Variants in PTPRK observed in about 807,000 individuals in gnomAD.
PTPRK encodes the protein protein tyrosine phosphatase receptor type K, also known as receptor-type tyrosine-protein phosphatase kappa.
In PTPRK, 75 loss-of-function variants were observed where a neutral mutation model predicts 178.0. The observed-to-expected ratio is 0.42, with a 90% CI of 0.35 to 0.51. PTPRK has a LOEUF of 0.51. Among genes scored for constraint, PTPRK ranks in the 20% least tolerant of loss-of-function variants. The pLI is 0.02. For missense variants in PTPRK, 1,441 were observed against 1,797.8 expected, an observed-to-expected ratio of 0.80 and a Z score of 3.59; for synonymous variants, 637 against 620.6, an observed-to-expected ratio of 1.03 and a Z score of -0.39.
At chr6:128,091,445 C>G (rs551234692) in intron 7 of PTPRK, among the ~76,000 whole-genome samples, 2 of 152,138 alleles carry the variant, frequency 1.3e-5, no homozygotes, top group African/African-American at 4.8e-5. Context: ...CTATGACTGC[C>G]CACCAGCTAA....
rs573174175 is a variant in PTPRK, at chr6:128,126,139, G to T, written c.1163-36147C>A. ...TAGGTATACATGTACCATGGTGGTT[G>T]GCTGCACCTATCAACCCGTCATCTA... On this transcript the variant is annotated intron_variant, in intron 7 of 29. Transcript: ENST00000368226. Among the ~76,000 whole-genome samples, 13 of 151,580 alleles carry T rather than the reference G, an allele frequency of 8.6e-5. No homozygotes were observed. In the South Asian group the frequency reaches 2.5e-3, roughly 29 times the overall value.
intron 7 of PTPRK, among the ~76,000 whole-genome samples, chr6:128,127,458 A>G (rs1793562395): frequency 6.6e-6 from 1 of 152,084 alleles, no homozygotes; most frequent in Non-Finnish European, 1.5e-5. Context: ...TTGTGTTTTT[A>G]TTTCTTTCAT....
At chr6:128,386,442 C>A (rs562571658) in intron 2 of PTPRK, among the ~76,000 whole-genome samples, 1 of 152,054 alleles carries the variant, frequency 6.6e-6, no homozygotes, top group Non-Finnish European at 1.5e-5. Context: ...AATAGTTAAT[C>A]CCTGGCAAGC....
At chr6:128,454,638 G>C (rs564841738) in intron 1 of PTPRK, among the ~76,000 whole-genome samples, 25 of 152,208 alleles carry the variant, frequency 1.6e-4, no homozygotes, top group African/African-American at 5.8e-4. Flanking sequence ...CCTGTCAGGA[G>C]TCACTAATTA....
chr6:128,047,134 G>A (rs561919323), intron 13 of PTPRK, among the ~76,000 whole-genome samples: 1 of 152,156 alleles, frequency 6.6e-6, no homozygotes, highest in African/African-American at 2.4e-5. Context: ...ATCAGTGCTG[G>A]TATGTCTTAT....
chr6:128,268,624 C>A (rs1188347141), intron 3 of PTPRK, among the ~76,000 whole-genome samples: 1 of 151,908 alleles, frequency 6.6e-6, no homozygotes, highest in African/African-American at 2.4e-5. Flanking sequence ...AATCATTGTG[C>A]CCCAGTGAAC....
At chr6:128,486,471 C>T (rs747440501) in intron 1 of PTPRK, among the ~76,000 whole-genome samples, 27 of 152,112 alleles carry the variant, frequency 1.8e-4, no homozygotes, top group East Asian at 1.2e-3. Flanking sequence ...AGGCAGAAAA[C>T]ACAATTATAT....
intron 2 of PTPRK, among the ~76,000 whole-genome samples, chr6:128,380,698 T>G (rs1245169701): frequency 6.6e-6 from 1 of 152,058 alleles, no homozygotes; most frequent in East Asian, 1.9e-4. Flanking sequence ...TCATAGTATG[T>G]AAAAGGGACC....
intron 28 of PTPRK, among the ~76,000 whole-genome samples, chr6:127,973,440 T>C (rs890494020): frequency 6.6e-6 from 1 of 152,106 alleles, no homozygotes; most frequent in African/African-American, 2.4e-5. Flanking sequence ...TTGTTACGAG[T>C]AGTGTTCCAA....
chr6:128,476,539 T>G (rs1225999600), intron 1 of PTPRK, among the ~76,000 whole-genome samples: 1 of 152,002 alleles, frequency 6.6e-6, no homozygotes, highest in Non-Finnish European at 1.5e-5. Context: ...CAGCTAAACA[T>G]GAATCTTTAG....
At chr6:128,213,800 C>A (rs886066605) in intron 6 of PTPRK, among the ~76,000 whole-genome samples, 2 of 151,830 alleles carry the variant, frequency 1.3e-5, no homozygotes, top group African/African-American at 4.8e-5. Context: ...ATTAGAGTAC[C>A]GGAATAGAAT....
chr6:128,346,474 T>C lies in PTPRK; in HGVS notation c.224-24164A>G, dbSNP rs541983536. Among the ~76,000 whole-genome samples, 112 of 152,232 alleles carry C rather than the reference T, an allele frequency of 7.4e-4. No individual in the cohort carries two copies. In the Middle Eastern group the frequency reaches 0.01, roughly 14 times the overall value. On this transcript the variant is annotated intron_variant, in intron 2 of 29. Coordinates refer to ENST00000368226, the MANE Select transcript of PTPRK (RefSeq NM_002844.4). ...CTATAGTATGATAAAACTTTACTAA[T>C]AGTCTGATATAAAGTCCCAATCTAA...
At chr6:128,010,990 A>C (rs985620714) in intron 13 of PTPRK, among the ~76,000 whole-genome samples, 1 of 151,238 alleles carries the variant, frequency 6.6e-6, no homozygotes, top group Non-Finnish European at 1.5e-5. Context: ...ACATGTAGTA[A>C]ATATGTTAGA....
chr6:128,004,053 C>G (rs1040120257), intron 15 of PTPRK, among the ~76,000 whole-genome samples: 1 of 151,812 alleles, frequency 6.6e-6, no homozygotes, highest in African/African-American at 2.4e-5. Flanking sequence ...AGCATACAAC[C>G]TACAAATACT....
chr6:128,019,293 A>G (rs1029774080), intron 13 of PTPRK, among the ~76,000 whole-genome samples: 1 of 152,188 alleles, frequency 6.6e-6, no homozygotes, highest in Non-Finnish European at 1.5e-5. Flanking sequence ...AATGTGATTA[A>G]GCTGCCTATA....
At chr6:128,291,494 T>C (rs1357690698) in intron 3 of PTPRK, among the ~76,000 whole-genome samples, 1 of 152,138 alleles carries the variant, frequency 6.6e-6, no homozygotes, top group East Asian at 1.9e-4. Flanking sequence ...GTGTCCAAGA[T>C]CACAATACTA....
At chr6:128,165,216 T>C (rs1300888909) in intron 7 of PTPRK, among the ~76,000 whole-genome samples, 1 of 151,352 alleles carries the variant, frequency 6.6e-6, no homozygotes, top group Non-Finnish European at 1.5e-5. Flanking sequence ...ACAGTAATTA[T>C]TTCAGTTTTA....
chr6:128,165,827 AAG>A (rs1799321589), intron 7 of PTPRK, among the ~76,000 whole-genome samples: 1 of 151,590 alleles, frequency 6.6e-6, no homozygotes, highest in Non-Finnish European at 1.5e-5. Context: ...TATTGTTTGT[AAG>A]AGTTTATATC....
intron 27 of PTPRK, among the ~76,000 whole-genome samples, chr6:127,976,291 AT>A (rs5879869): frequency 0.38 from 58,097 of 151,792 alleles, 12,607 homozygotes; most frequent in African/African-American, 0.58. Context: ...CAATGTTCTT[AT>A]TTTTTTTATC....
Sources: allele counts gnomAD v4.1 joint callset (sites outside exome capture counted in the v4.1 genomes callset), GRCh38; gene constraint gnomAD v4.1.1; transcripts MANE v1.5; gene names NCBI Gene and HGNC (gene_info 2026-07-23, HGNC 2026-07-21).